The following TASP1 variants were observed in gnomAD, a reference collection of about 807,000 sequenced individuals.
TASP1 encodes the protein taspase 1.
TASP1 carries 16 observed loss-of-function variants against 56.6 expected under a neutral mutation model. The observed-to-expected ratio is 0.28, with a 90% confidence interval of 0.19 to 0.43. TASP1 has a LOEUF of 0.43. Ranked by LOEUF, TASP1 falls within the 20% of genes least tolerant of loss-of-function variation. The pLI, the probability that TASP1 is intolerant of heterozygous loss-of-function variation, is 1.00. For missense variants in TASP1, 393 were observed against 511.6 expected (o/e 0.77, Z 2.24); for synonymous variants, 179 against 184.2 (o/e 0.97, Z 0.23).
At chr20:13,617,175 C>T (rs2048553936) in intron 4 of TASP1, 1 of 397,308 alleles carries the variant, frequency 2.5e-6, no homozygotes, top group South Asian at 1.8e-5. Flanking sequence ...CCATAAACAG[C>T]TGGAATACAC....
chr20:13,476,933 A>T (rs1342708148), intron 11 of TASP1, among the ~76,000 whole-genome samples: 3 of 152,166 alleles, frequency 2.0e-5, no homozygotes, highest in Admixed American at 2.0e-4. Context: ...CAAAGAAAAA[A>T]GATTTTAGTG....
chr20:13,162,100 A>G, the TASP1 span, among the ~76,000 whole-genome samples: 1 of 152,240 alleles, frequency 6.6e-6, no homozygotes, highest in African/African-American at 2.4e-5. Flanking sequence ...TTAAGAAAAG[A>G]CAGGCAAAAC....
the TASP1 span, among the ~76,000 whole-genome samples, chr20:13,376,137 T>G: frequency 1.2e-4 from 19 of 152,236 alleles, no homozygotes; most frequent in African/African-American, 1.9e-4. Context: ...GTTTTCATCA[T>G]GAACTCTTTG....
Position 13,597,282 on chromosome 20 carries a change from A to G in TASP1, c.283-9912T>C, listed in dbSNP as rs1489260845. Among the ~76,000 whole-genome samples, 4 of 152,236 alleles carry G rather than the reference A, an allele frequency of 2.6e-5. No individual in the cohort carries two copies. In the South Asian group the frequency reaches 6.2e-4, roughly 24 times the overall value. On this transcript the variant is annotated intron_variant, in intron 4 of 13. Transcript: ENST00000337743. ...GTTGAACATCGATGCAAAAATCCTC[A>G]ACAAAATACTGGCAAACCGAATCCA...
chr20:13,309,541 C>G, the TASP1 span, among the ~76,000 whole-genome samples: 1 of 152,074 alleles, frequency 6.6e-6, no homozygotes, highest in East Asian at 1.9e-4. Flanking sequence ...AGGAACAAGA[C>G]AAGCATGCTC....
At chr20:13,183,457 C>G in the TASP1 span, among the ~76,000 whole-genome samples, 3 of 152,086 alleles carry the variant, frequency 2.0e-5, no homozygotes, top group Non-Finnish European at 2.9e-5. Flanking sequence ...TAATAAGTCT[C>G]TAGTCAAAAT....
the TASP1 span, among the ~76,000 whole-genome samples, chr20:13,298,321 G>C: frequency 1.3e-5 from 2 of 152,112 alleles, no homozygotes; most frequent in Admixed American, 6.5e-5. Context: ...TGGCCAGGCT[G>C]GTCTTAAACT....
chr20:13,451,450 G>C (rs1387573618), intron 11 of TASP1, among the ~76,000 whole-genome samples: 1 of 152,070 alleles, frequency 6.6e-6, no homozygotes, highest in African/African-American at 2.4e-5. Flanking sequence ...CTTCTTCAGT[G>C]ATCTTAGCTA....
intron 13 of TASP1, among the ~76,000 whole-genome samples, chr20:13,410,151 T>C (rs1322799182): frequency 6.6e-6 from 1 of 152,202 alleles, no homozygotes; most frequent in African/African-American, 2.4e-5. Flanking sequence ...GCAAATGACA[T>C]GATTTCATTC....
chr20:13,459,182 C>T (rs535957870), intron 11 of TASP1, among the ~76,000 whole-genome samples: 27 of 152,114 alleles, frequency 1.8e-4, no homozygotes, highest in African/African-American at 6.0e-4. Context: ...ATTTTTTTAC[C>T]TCTTACTTTA....
the TASP1 span, among the ~76,000 whole-genome samples, chr20:13,307,017 G>A: frequency 6.6e-6 from 1 of 152,176 alleles, no homozygotes; most frequent in Non-Finnish European, 1.5e-5. Flanking sequence ...GCTATTACAG[G>A]ATATTGGAGG....
chr20:13,456,029 T>A (rs530616634), intron 11 of TASP1, among the ~76,000 whole-genome samples: 1 of 152,106 alleles, frequency 6.6e-6, no homozygotes, highest in South Asian at 2.1e-4. Flanking sequence ...GGGATCAAGA[T>A]CCTCAAGCAC....
chr20:13,331,505 C>T, the TASP1 span, among the ~76,000 whole-genome samples: 2 of 152,124 alleles, frequency 1.3e-5, no homozygotes, highest in Middle Eastern at 3.2e-3. Context: ...GAAGCACCAC[C>T]CAGTTCCCCA....
At chr20:13,156,098 T>G in the TASP1 span, among the ~76,000 whole-genome samples, 1 of 152,158 alleles carries the variant, frequency 6.6e-6, no homozygotes, top group African/African-American at 2.4e-5. Context: ...ATACATTTAT[T>G]CAAAATGATT....
chr20:13,279,703 A>G, the TASP1 span: 1 of 1,614,024 alleles, frequency 6.2e-7, no homozygotes, highest in Middle Eastern at 1.6e-4. Flanking sequence ...GAATAAGCCC[A>G]GCTGGTCAGT....
chr20:13,559,183 A>G, intron 7 of TASP1, 69 bp from the exon 8 acceptor site: 2 of 963,928 alleles, frequency 2.1e-6, no homozygotes, highest in Non-Finnish European at 2.9e-6. Context: ...GTCAAATAAG[A>G]TATCTGAAGA....
the TASP1 span, among the ~76,000 whole-genome samples, chr20:13,161,359 A>G: frequency 6.6e-6 from 1 of 152,192 alleles, no homozygotes; most frequent in African/African-American, 2.4e-5. Context: ...TAGAAGAAAA[A>G]TAAGGTTCTA....
chr20:13,618,486 T>C (rs1007997462), intron 4 of TASP1, among the ~76,000 whole-genome samples: 2 of 152,130 alleles, frequency 1.3e-5, no homozygotes, highest in Non-Finnish European at 2.9e-5. Context: ...AAATATATAA[T>C]GAAAATACCT....
chr20:13,294,955 A>G, the TASP1 span, among the ~76,000 whole-genome samples: 2 of 152,094 alleles, frequency 1.3e-5, no homozygotes. Flanking sequence ...ATGCGATCCC[A>G]CACTTTGCCT....
Sources: gnomAD v4.1 joint callset for allele counts (sites outside exome capture counted in the v4.1 genomes callset) on GRCh38, gnomAD v4.1.1 for gene constraint, MANE v1.5 for transcripts, NCBI Gene and HGNC (gene_info 2026-07-23, HGNC 2026-07-21) for gene names.